Variants in DGKB observed in about 807,000 individuals in gnomAD.
DGKB encodes the protein 90 kDa diacylglycerol kinase.
A neutral mutation model predicts 114.3 loss-of-function variants in DGKB; 67 were observed. The ratio of observed to expected loss-of-function variants is 0.59; its 90% CI spans 0.48 to 0.72. The LOEUF (loss-of-function observed/expected upper bound fraction) is 0.72. Ranked by LOEUF, DGKB falls within the 30% of genes least tolerant of loss-of-function variation. The pLI is 0.00. For synonymous variants in DGKB, 398 were observed against 323.1 expected, an observed-to-expected ratio of 1.23 and a Z score of -2.49; for missense variants, 907 against 975.2, an observed-to-expected ratio of 0.93 and a Z score of 0.93.
At chr7:14,817,623 C>T (rs1026596062) in intron 2 of DGKB, among the ~76,000 whole-genome samples, 15 of 152,132 alleles carry the variant, frequency 9.9e-5, no homozygotes, top group African/African-American at 3.4e-4. Context: ...CAGTAATTTA[C>T]TCATTTTTAG....
At chr7:14,698,196 A>G (rs1303626880) in intron 7 of DGKB, 27 bp from the exon 8 acceptor site, 1 of 1,360,024 alleles carries the variant, frequency 7.4e-7, no homozygotes, top group South Asian at 1.4e-5. Context: ...GATAAAAAAT[A>G]TGAATACAAG....
chr7:14,905,992 C>T (rs1356029917), upstream of DGKB, among the ~76,000 whole-genome samples: 1 of 152,104 alleles, frequency 6.6e-6, no homozygotes, highest in Non-Finnish European at 1.5e-5. Context: ...TCATATCTAT[C>T]ACTCACAGGC....
intron 1 of DGKB, among the ~76,000 whole-genome samples, chr7:14,873,197 T>C (rs1206333628): frequency 6.6e-6 from 1 of 152,140 alleles, no homozygotes; most frequent in Non-Finnish European, 1.5e-5. Context: ...GAAGTTCTTG[T>C]CTGGTAATAA....
chr7:14,841,059 T>TG (rs1383022546), intron 2 of DGKB, 135 bp downstream of exon 2: 23 of 695,190 alleles, frequency 3.3e-5, no homozygotes, highest in Admixed American at 1.0e-4. Flanking sequence ...CAAGTCAACC[T>TG]GACTTGTAAA....
intron 2 of DGKB, among the ~76,000 whole-genome samples, chr7:14,785,252 A>T (rs1438355671): frequency 2.6e-5 from 4 of 152,338 alleles, no homozygotes; most frequent in East Asian, 3.9e-4. Context: ...TAGGCATTTT[A>T]AAATTCTTTT....
intron 2 of DGKB, among the ~76,000 whole-genome samples, chr7:14,805,307 G>A (rs1842662069): frequency 6.6e-6 from 1 of 152,030 alleles, no homozygotes; most frequent in South Asian, 2.1e-4. Flanking sequence ...GCTGCCTTAG[G>A]GGACACCATT....
At chr7:14,418,363 G>T (rs10242246) in intron 21 of DGKB, among the ~76,000 whole-genome samples, 1 of 84,676 alleles carries the variant, frequency 1.2e-5, no homozygotes, top group South Asian at 3.8e-4. Context: ...ACATATATAT[G>T]TGTGTGTGTA....
chr7:14,625,924 C>T (rs1203485067), intron 14 of DGKB, among the ~76,000 whole-genome samples: 1 of 151,898 alleles, frequency 6.6e-6, no homozygotes, highest in Non-Finnish European at 1.5e-5. Context: ...TTTTGTGATC[C>T]GTAGACTCCA....
intron 1 of DGKB, among the ~76,000 whole-genome samples, chr7:14,925,610 C>A (rs1343126825): frequency 6.6e-6 from 1 of 152,044 alleles, no homozygotes; most frequent in African/African-American, 2.4e-5. Context: ...ATATTCTATA[C>A]GTCTTTGGTG....
At chr7:14,558,623 T>G (rs1796209532) in intron 20 of DGKB, among the ~76,000 whole-genome samples, 1 of 152,178 alleles carries the variant, frequency 6.6e-6, no homozygotes, top group Admixed American at 6.6e-5. Flanking sequence ...AAAACACACA[T>G]ATTCCCTAAA....
intron 23 of DGKB, among the ~76,000 whole-genome samples, chr7:14,284,377 A>T (rs1800484399): frequency 1.4e-5 from 2 of 143,678 alleles, no homozygotes; most frequent in Admixed American, 1.3e-4. Flanking sequence ...GCTGGAGAGG[A>T]TGTGGAGAAA....
chr7:14,587,326 G>T (rs958053263), intron 17 of DGKB, among the ~76,000 whole-genome samples: 1 of 151,988 alleles, frequency 6.6e-6, no homozygotes. Flanking sequence ...CTGAATTGCC[G>T]CAATCTCATC....
At chr7:14,683,616 G>A (rs1821197669) in intron 10 of DGKB, among the ~76,000 whole-genome samples, 1 of 151,812 alleles carries the variant, frequency 6.6e-6, no homozygotes, top group Non-Finnish European at 1.5e-5. Context: ...ATAAAATGTT[G>A]GTTCCAGATT....
chr7:14,576,715 G>A (rs1799173749), intron 19 of DGKB, among the ~76,000 whole-genome samples: 1 of 152,066 alleles, frequency 6.6e-6, no homozygotes, highest in Admixed American at 6.6e-5. Context: ...AACCTAACCG[G>A]GAGAGAACAT....
intron 1 of DGKB, among the ~76,000 whole-genome samples, chr7:14,910,258 GAA>G (rs780624839): frequency 0.24 from 22,476 of 93,180 alleles, 2,224 homozygotes; most frequent in African/African-American, 0.29. Flanking sequence ...AAGAAAGAAA[GAA>G]AGAAAGAAAG....
chr7:14,507,257 T>C (rs998490492), intron 20 of DGKB, among the ~76,000 whole-genome samples: 3 of 152,196 alleles, frequency 2.0e-5, no homozygotes, highest in Non-Finnish European at 4.4e-5. Context: ...TGATGCTTTT[T>C]ATGGCAATTC....
chr7:14,813,352 C>A (rs1489068983), intron 2 of DGKB, among the ~76,000 whole-genome samples: 2 of 152,140 alleles, frequency 1.3e-5, no homozygotes, highest in Admixed American at 1.3e-4. Flanking sequence ...GAGGATTGCT[C>A]TTGGGAATGT....
intron 1 of DGKB, among the ~76,000 whole-genome samples, chr7:14,947,167 T>C (rs1197156806): frequency 6.6e-6 from 1 of 151,686 alleles, no homozygotes; most frequent in Non-Finnish European, 1.5e-5. Flanking sequence ...CACCTTCTTA[T>C]TTTACTAAGT....
chr7:14,468,725 GT>G (rs1364510062), intron 21 of DGKB, among the ~76,000 whole-genome samples: 1 of 149,350 alleles, frequency 6.7e-6, no homozygotes, highest in Non-Finnish European at 1.5e-5. Flanking sequence ...GTTTTTTACT[GT>G]TTAATACTCT....
Sources: allele counts gnomAD v4.1 joint callset (sites outside exome capture counted in the v4.1 genomes callset), GRCh38; gene constraint gnomAD v4.1.1; transcripts MANE v1.5; gene names NCBI Gene and HGNC (gene_info 2026-07-23, HGNC 2026-07-21).